Variants in BLM observed in about 807,000 individuals in gnomAD.
BLM encodes recQ-like DNA helicase BLM.
A neutral mutation model predicts 135.3 loss-of-function variants in BLM; 95 were observed. That is an observed-to-expected ratio of 0.70 (90% CI 0.59 to 0.83). The LOEUF is 0.83. Among genes scored for constraint, BLM ranks in the 40% least tolerant of loss-of-function variants. BLM has a pLI of 0.00. For synonymous variants in BLM, 520 were observed against 589.2 expected (o/e 0.88, Z 1.70); for missense variants, 1,518 against 1,663.9 (o/e 0.91, Z 1.53).
At chr15:90,733,791 T>G (rs62025088) in intron 1 of BLM, among the ~76,000 whole-genome samples, 1,881 of 152,306 alleles carry the variant, frequency 0.012, 20 homozygotes, top group Middle Eastern at 0.024. Context: ...TAATTCTGCC[T>G]TCTTGCTCTC....
At chr15:90,794,465 G>A in intron 16 of BLM, 108 bp downstream of exon 16, 1 of 810,994 alleles carries the variant, frequency 1.2e-6, no homozygotes. Flanking sequence ...AGATTAACAG[G>A]GGAAAGACAG....
chr15:90,786,525 A>G (rs1307881537), intron 14 of BLM, among the ~76,000 whole-genome samples: 2 of 152,112 alleles, frequency 1.3e-5, no homozygotes, highest in Non-Finnish European at 2.9e-5. Flanking sequence ...CGTCTTCACC[A>G]ATATTTTTTA....
intron 17 of BLM, among the ~76,000 whole-genome samples, chr15:90,799,671 G>C (rs904639776): frequency 6.9e-6 from 1 of 145,716 alleles, no homozygotes; most frequent in Non-Finnish European, 1.5e-5. Flanking sequence ...ATGGCCACGA[G>C]ATTTGAGAAT....
chr15:90,756,891 T>C (rs1193759521), intron 5 of BLM, among the ~76,000 whole-genome samples: 7 of 152,212 alleles, frequency 4.6e-5, no homozygotes, highest in African/African-American at 1.7e-4. Flanking sequence ...CTATGGCAAA[T>C]AGTTAAACTT....
chr15:90,789,987 G>GTTTTTTTTTTGTTTTTTTTTTTTTTT (rs1896857678), intron 14 of BLM, among the ~76,000 whole-genome samples: 2 of 57,378 alleles, frequency 3.5e-5, no homozygotes, highest in African/African-American at 1.1e-4. Context: ...AGTCCCTGGT[G>GTTTTTTTTTTGTTTTTTTTTTTTTTT]TTTTTTTTTT....
chr15:90,792,094 C>CT (rs796474506), intron 15 of BLM, among the ~76,000 whole-genome samples: 20,200 of 134,276 alleles, frequency 0.15, 2,143 homozygotes, highest in African/African-American at 0.3. Context: ...TTTTTTTTTT[C>CT]TTTTTTTTTT....
chr15:90,801,372 ATAAAAG>A (rs1897162779), intron 17 of BLM, among the ~76,000 whole-genome samples: 2 of 152,328 alleles, frequency 1.3e-5, no homozygotes, highest in South Asian at 2.1e-4. Context: ...TATTGATGAT[ATAAAAG>A]TAAAAGTACA....
Position 90,794,310 on chromosome 15 carries a change from T to C in BLM, c.3163T>C (p.Cys1055Arg), listed in dbSNP as rs746218707. Reference sequence around the variant, plus strand: ...TGAAAATGGATTTAATCCTGATTTTTGTAAGAAACACCCAGATGTTTCTTG... The same window carrying C: ...TGAAAATGGATTTAATCCTGATTTTCGTAAGAAACACCCAGATGTTTCTTG... ...FGENGFNPDF[C>R]KKHPDVSCDN... The change falls in exon 16 of 22, where the codon TGT becomes CGT. Residue 1055 changes from cysteine (C) to arginine (R), a missense_variant. Cys to Arg is a radical substitution (Grantham distance 180). Transcript: ENST00000355112. 1.2e-6 allele frequency: 2 copies of C among 1,606,012 alleles called. No individual in the cohort carries two copies. The highest frequency in any genetic ancestry group is 1.7e-6 in the Non-Finnish European group (2 of 1,176,126).
chr15:90,728,597 G>T (rs945081900), intron 1 of BLM, among the ~76,000 whole-genome samples: 1 of 150,786 alleles, frequency 6.6e-6, no homozygotes, highest in African/African-American at 2.4e-5. Flanking sequence ...GTAGAGACGG[G>T]GTTTCACCAT....
At chr15:90,772,268 C>T (rs8036601) in intron 12 of BLM, among the ~76,000 whole-genome samples, 63,319 of 151,978 alleles carry the variant, frequency 0.42, 15,009 homozygotes, top group African/African-American at 0.66. Context: ...GCTCTCCTCC[C>T]GCCAGTCTGT....
rs534213154 is a variant in BLM, at chr15:90,722,987, C to T, written c.-5+5547C>T. ...TCCCAAGTAGCTTGGATTACAGGCG[C>T]CTGCCACCATGGCTGGCTAATTTTT... On this transcript the variant is annotated intron_variant, in intron 1 of 21. Coordinates refer to ENST00000355112, the MANE Select transcript of BLM (RefSeq NM_000057.4). Among the ~76,000 whole-genome samples the T allele has an allele frequency of 4.6e-5, 7 of 152,218 alleles. No individual in the cohort carries two copies. In the East Asian group the frequency reaches 1.4e-3, roughly 29 times the overall value.
chr15:90,810,876 C>T (rs1219384799), intron 20 of BLM, among the ~76,000 whole-genome samples: 3 of 152,098 alleles, frequency 2.0e-5, no homozygotes, highest in Non-Finnish European at 4.4e-5. Context: ...GAATTGCCTA[C>T]CAGAACTAAC....
chr15:90,756,910 T>G (rs1417808369), intron 5 of BLM, among the ~76,000 whole-genome samples: 1 of 152,232 alleles, frequency 6.6e-6, no homozygotes, highest in Non-Finnish European at 1.5e-5. Context: ...TTCTCTGGAC[T>G]TCAGTTTTTT....
chr15:90,734,578 A>C (rs943282826), intron 1 of BLM, among the ~76,000 whole-genome samples: 22 of 151,848 alleles, frequency 1.4e-4, no homozygotes, highest in African/African-American at 5.3e-4. Flanking sequence ...GTGAGCCACC[A>C]TGCCTGGCCA....
In BLM at chr15:90,749,621, T is replaced by A. The variant is rs768933887; in HGVS notation, c.353T>A (p.Val118Asp). Residue 118 changes from valine (V) to aspartate (D), a missense_variant, in exon 3 of 22, where the codon GTT becomes GAT. By Grantham distance (152) the Val-to-Asp change is radical. Coordinates refer to ENST00000355112, the MANE Select transcript of BLM (RefSeq NM_000057.4). ...LPDFLQTPKEVVCTTQNTPTV... is the reference protein window; with the variant it reads ...LPDFLQTPKEDVCTTQNTPTV... ...GATTTCTTGCAGACTCCGAAGGAAG[T>A]TGTATGCACTACCCAAAACACACCA... 1 of 1,614,152 alleles carries A rather than the reference T, an allele frequency of 6.2e-7. No homozygotes were observed. Among genetic ancestry groups the A allele is most frequent in the Non-Finnish European group, 8.5e-7 (1 of 1,180,024 alleles).
intron 17 of BLM, among the ~76,000 whole-genome samples, chr15:90,799,957 C>T (rs1359686795): frequency 1.3e-5 from 2 of 152,018 alleles, no homozygotes; most frequent in African/African-American, 4.8e-5. Flanking sequence ...TGTTAGGAGA[C>T]CAGATGGGAG....
intron 1 of BLM, among the ~76,000 whole-genome samples, chr15:90,728,707 G>A (rs1894983501): frequency 6.6e-6 from 1 of 151,714 alleles, no homozygotes; most frequent in Admixed American, 6.6e-5. Flanking sequence ...CACCCGGCCG[G>A]GTATTTAAAT....
chr15:90,805,830 C>T (rs1326730505), intron 19 of BLM, among the ~76,000 whole-genome samples: 6 of 151,704 alleles, frequency 4.0e-5, no homozygotes, highest in African/African-American at 7.2e-5. Flanking sequence ...CGCATCCGGC[C>T]GGATTATTGT....
At chr15:90,768,478 A>G (rs1896199891) in intron 10 of BLM, among the ~76,000 whole-genome samples, 1 of 152,118 alleles carries the variant, frequency 6.6e-6, no homozygotes, top group Non-Finnish European at 1.5e-5. Context: ...GCTATAAAAT[A>G]TATAATTTTT....
Sources: allele counts gnomAD v4.1 joint callset (sites outside exome capture counted in the v4.1 genomes callset), GRCh38; gene constraint gnomAD v4.1.1; transcripts MANE v1.5; gene names NCBI Gene and HGNC (gene_info 2026-07-23, HGNC 2026-07-21).